The following ZFAND6 variants were observed in gnomAD, a reference collection of about 807,000 sequenced individuals.
ZFAND6 encodes the protein zinc finger AN1-type containing 6, also known as AN1-type zinc finger protein 6.
A neutral mutation model predicts 24.5 loss-of-function variants in ZFAND6; 12 were observed. The ratio of observed to expected loss-of-function variants is 0.49; its 90% CI spans 0.31 to 0.79. The LOEUF is 0.79. Ranked by LOEUF, ZFAND6 falls within the 30% of genes least tolerant of loss-of-function variation. ZFAND6 has a pLI of 0.04. For synonymous variants in ZFAND6, 92 were observed against 81.5 expected (o/e 1.13, Z -0.69); for missense variants, 207 against 245.9 (o/e 0.84, Z 1.06).
At chr15:80,086,519 C>T (rs1210627166) in intron 1 of ZFAND6, among the ~76,000 whole-genome samples, 1 of 152,188 alleles carries the variant, frequency 6.6e-6, no homozygotes, top group East Asian at 1.9e-4. Context: ...TTTCCTACCA[C>T]CCATTATGGG....
chr15:80,070,960 AC>A (rs1279215756), intron 1 of ZFAND6, among the ~76,000 whole-genome samples: 2 of 152,132 alleles, frequency 1.3e-5, no homozygotes, highest in Non-Finnish European at 2.9e-5. Context: ...TGGGAAGAAA[AC>A]CTGAACTTGA....
chr15:80,065,495 T>C (rs899848192), intron 1 of ZFAND6, among the ~76,000 whole-genome samples: 52 of 151,884 alleles, frequency 3.4e-4, no homozygotes, highest in Non-Finnish European at 3.5e-4. Flanking sequence ...CCTCAGATTT[T>C]TTAGTTTATT....
At chr15:80,133,899 AC>A (rs1417437616) in intron 6 of ZFAND6, among the ~76,000 whole-genome samples, 2 of 151,802 alleles carry the variant, frequency 1.3e-5, no homozygotes, top group South Asian at 2.1e-4. Context: ...AACAATATGA[AC>A]CCTTTTTCGT....
Position 80,082,327 on chromosome 15 carries a change from A to G in ZFAND6, c.-180-16089A>G, listed in dbSNP as rs143970675. ...TGAGATGGGTATTATTGTTGTGCCT[A>G]TTTCGCAGATGATAATGCTAAGTTT... On this transcript the variant is annotated intron_variant, in intron 1 of 6. Coordinates refer to ENST00000261749, the MANE Select transcript of ZFAND6 (RefSeq NM_019006.4). 1.7e-4 allele frequency among the ~76,000 whole-genome samples: 26 copies of G among 152,368 alleles called. No homozygotes were observed. In the East Asian group the frequency reaches 2.9e-3, roughly 17 times the overall value.
rs570915979 is a variant in ZFAND6 at position 80,116,106 on chromosome 15, T to G, written c.-17-4222T>G. 1.8e-3 allele frequency among the ~76,000 whole-genome samples: 275 copies of G among 151,920 alleles called. 1 individual carries two copies. The highest frequency in any genetic ancestry group is 3.1e-3 in the Admixed American group (47 of 15,278). ...CTTTTTAGGTTTTTTTTTTGTTTTTTTTTTTCTTAAGTGGCCCCCACCTCC... is the reference window on the plus strand; with the variant it reads ...CTTTTTAGGTTTTTTTTTTGTTTTTGTTTTTCTTAAGTGGCCCCCACCTCC... On this transcript the variant is annotated intron_variant, in intron 2 of 6. Coordinates refer to ENST00000261749, the MANE Select transcript of ZFAND6 (RefSeq NM_019006.4).
intron 1 of ZFAND6, among the ~76,000 whole-genome samples, chr15:80,086,197 C>T (rs1045117286): frequency 6.6e-6 from 1 of 151,986 alleles, no homozygotes; most frequent in African/African-American, 2.4e-5. Flanking sequence ...CACCACCACA[C>T]CCAGCTAATT....
intron 1 of ZFAND6, among the ~76,000 whole-genome samples, chr15:80,080,213 T>G (rs1596212694): frequency 6.6e-6 from 1 of 151,982 alleles, no homozygotes; most frequent in Admixed American, 6.6e-5. Flanking sequence ...GCCAGGCTGG[T>G]CTTGAATTCC....
chr15:80,107,551 G>A (rs531544837), intron 2 of ZFAND6, among the ~76,000 whole-genome samples: 4 of 152,214 alleles, frequency 2.6e-5, no homozygotes, highest in African/African-American at 9.6e-5. Context: ...GGGGCTGGGC[G>A]CAGTGTTTCA....
At chr15:80,076,312 ATTC>A (rs1333104456) in intron 1 of ZFAND6, among the ~76,000 whole-genome samples, 1 of 152,004 alleles carries the variant, frequency 6.6e-6, no homozygotes, top group Non-Finnish European at 1.5e-5. Flanking sequence ...TGTCATTCTG[ATTC>A]TTCTTCATCA....
intron 1 of ZFAND6, among the ~76,000 whole-genome samples, chr15:80,081,832 C>T (rs975748700): frequency 2.0e-5 from 3 of 152,180 alleles, no homozygotes; most frequent in African/African-American, 7.2e-5. Context: ...ATGTCAGGAT[C>T]ATATATTACT....
At chr15:80,066,461 C>T (rs1215123815) in intron 1 of ZFAND6, among the ~76,000 whole-genome samples, 3 of 151,776 alleles carry the variant, frequency 2.0e-5, no homozygotes, top group African/African-American at 7.3e-5. Context: ...TACAGGCATG[C>T]GCCACCATGC....
chr15:80,104,019 T>G (rs1036026424), intron 2 of ZFAND6, among the ~76,000 whole-genome samples: 2 of 152,142 alleles, frequency 1.3e-5, no homozygotes, highest in African/African-American at 4.8e-5. Context: ...CAGATAATTT[T>G]CTTATTCTTT....
intron 1 of ZFAND6, among the ~76,000 whole-genome samples, chr15:80,093,245 G>A (rs996722769): frequency 6.6e-6 from 1 of 151,736 alleles, no homozygotes; most frequent in Non-Finnish European, 1.5e-5. Context: ...GATTACTAGC[G>A]TGAGCCACCA....
At chr15:80,137,018 C>G (rs1163525019) in intron 6 of ZFAND6, among the ~76,000 whole-genome samples, 1 of 152,202 alleles carries the variant, frequency 6.6e-6, no homozygotes, top group Admixed American at 6.5e-5. Context: ...AACTGCAGTA[C>G]AGTTCACATC....
chr15:80,092,725 C>A (rs1053831011), intron 1 of ZFAND6, among the ~76,000 whole-genome samples: 1 of 152,076 alleles, frequency 6.6e-6, no homozygotes, highest in African/African-American at 2.4e-5. Flanking sequence ...GCAACATTGA[C>A]ACACTATAAT....
intron 1 of ZFAND6, among the ~76,000 whole-genome samples, chr15:80,091,189 GGCACACGT>G (rs1335389328): frequency 6.6e-6 from 1 of 150,858 alleles, no homozygotes; most frequent in Non-Finnish European, 1.5e-5. Context: ...GTGTGTGTCG[GGCACACGT>G]GCACATGTGT....
intron 6 of ZFAND6, among the ~76,000 whole-genome samples, chr15:80,134,789 G>A (rs2040779139): frequency 7.7e-6 from 1 of 130,182 alleles, no homozygotes; most frequent in Admixed American, 8.7e-5. Context: ...TGAGGAAGAA[G>A]ACATAGAAAA....
At chr15:80,072,610 T>C (rs2037042613) in intron 1 of ZFAND6, 1 of 152,046 alleles carries the variant, frequency 6.6e-6, no homozygotes, top group Non-Finnish European at 1.5e-5. Context: ...GAAGTTAATC[T>C]GAGGTGAAGC....
intron 1 of ZFAND6, among the ~76,000 whole-genome samples, chr15:80,086,266 G>A (rs543466892): frequency 1.3e-5 from 2 of 152,134 alleles, no homozygotes; most frequent in Admixed American, 6.5e-5. Context: ...TCAAACTCCC[G>A]ACCTCAGGTG....
Sources: allele counts gnomAD v4.1 joint callset (sites outside exome capture counted in the v4.1 genomes callset), GRCh38; gene constraint gnomAD v4.1.1; transcripts MANE v1.5; gene names NCBI Gene and HGNC (gene_info 2026-07-23, HGNC 2026-07-21).